The following IMPG2 variants were observed in gnomAD, a reference collection of about 807,000 sequenced individuals.
IMPG2 encodes the protein IPM 200.
Under a neutral mutation model 129.2 loss-of-function variants are expected in IMPG2, and 91 were observed. The observed-to-expected ratio is 0.70, with a 90% CI of 0.59 to 0.84. The LOEUF (loss-of-function observed/expected upper bound fraction) is 0.84, where lower values mean the gene tolerates loss of function less well. Among genes scored for constraint, IMPG2 ranks in the 40% least tolerant of loss-of-function variants. IMPG2 has a pLI of 0.00. For synonymous variants in IMPG2, 510 were observed against 517.7 expected (o/e 0.99, Z 0.20); for missense variants, 1,430 against 1,461.7 (o/e 0.98, Z 0.35).
chr3:101,292,274 C>G (rs1317006500), intron 3 of IMPG2, among the ~76,000 whole-genome samples: 2 of 152,164 alleles, frequency 1.3e-5, no homozygotes, highest in African/African-American at 4.8e-5. Flanking sequence ...CTCAGCCACT[C>G]TCATGGTTTC....
intron 7 of IMPG2, among the ~76,000 whole-genome samples, chr3:101,270,915 G>A (rs895135629): frequency 6.6e-6 from 1 of 152,150 alleles, no homozygotes; most frequent in Non-Finnish European, 1.5e-5. Flanking sequence ...GCCAACATCA[G>A]AACAAAGGAA....
intron 4 of IMPG2, among the ~76,000 whole-genome samples, chr3:101,281,301 G>T (rs1471080134): frequency 1.3e-5 from 2 of 152,166 alleles, no homozygotes; most frequent in East Asian, 3.9e-4. Context: ...TTAAAAATAG[G>T]TAACATGAGA....
At chr3:101,266,825 C>T (rs1024317047) in intron 9 of IMPG2, among the ~76,000 whole-genome samples, 3 of 152,114 alleles carry the variant, frequency 2.0e-5, no homozygotes, top group Non-Finnish European at 2.9e-5. Flanking sequence ...CCCCTCTTCC[C>T]AGCCTGAAGT....
At chr3:101,267,580 T>C (rs966217330) in intron 8 of IMPG2, 49 bp from the exon 9 acceptor site, 4 of 1,433,814 alleles carry the variant, frequency 2.8e-6, no homozygotes, top group Non-Finnish European at 3.9e-6. Context: ...ACAGTTATTA[T>C]TGTCACATCA....
chr3:101,286,147 G>A (rs941754188), intron 4 of IMPG2, among the ~76,000 whole-genome samples: 4 of 152,052 alleles, frequency 2.6e-5, no homozygotes, highest in East Asian at 3.9e-4. Flanking sequence ...TTGTTCAGAG[G>A]ATTAAGTAAA....
chr3:101,293,638 G>A (rs1041699755), intron 3 of IMPG2, among the ~76,000 whole-genome samples: 1 of 152,280 alleles, frequency 6.6e-6, no homozygotes, highest in Middle Eastern at 3.4e-3. Context: ...TTGAAGCCAG[G>A]TATTGACTTC....
At chr3:101,313,616 G>A (rs953663927) in intron 2 of IMPG2, among the ~76,000 whole-genome samples, 29 of 152,006 alleles carry the variant, frequency 1.9e-4, no homozygotes, top group Non-Finnish European at 8.8e-5. Flanking sequence ...CCTTCTACTA[G>A]ATCTCCAGCT....
chr3:101,241,089 TA>T (rs1410480090), intron 14 of IMPG2, among the ~76,000 whole-genome samples: 1 of 152,240 alleles, frequency 6.6e-6, no homozygotes, highest in African/African-American at 2.4e-5. Flanking sequence ...AAGTTCTGGC[TA>T]AAAAGTATTT....
At chr3:101,229,688 G>A (rs1706266141) in intron 16 of IMPG2, 98 bp from the exon 17 acceptor site, 3 of 1,051,002 alleles carry the variant, frequency 2.9e-6, no homozygotes, top group Non-Finnish European at 2.9e-6. Context: ...AGAAAAACAG[G>A]TGCACTTTAC....
chr3:101,283,342 A>T (rs1205021635), intron 4 of IMPG2, among the ~76,000 whole-genome samples: 1 of 151,990 alleles, frequency 6.6e-6, no homozygotes, highest in Non-Finnish European at 1.5e-5. Flanking sequence ...TCCTTTTTTT[A>T]AAAAATGTAT....
rs1226245270 is a variant in IMPG2 at position 101,246,095 on chromosome 3, A to G, written c.1250T>C (p.Phe417Ser). ...ATPSSILDNT[F>S]QAAWPSADES... The stretch of plus-strand genomic sequence containing the variant: ...ATCTGCTGAGGGCCATGCAGCTTGA[A>G]AGGTATTATCCTGGGGGGAAAAAAA... The change falls in exon 12 of 19, where the codon TTT (phenylalanine) becomes TCT (serine). Residue 417 changes from phenylalanine (F) to serine (S), a missense_variant. Physicochemically the swap from Phe to Ser is radical, Grantham distance 155. Coordinates refer to ENST00000193391, the MANE Select transcript of IMPG2 (RefSeq NM_016247.4). 8.1e-6 allele frequency: 13 copies of G among 1,613,906 alleles called. No individual in the cohort carries two copies. The South Asian group carries it at 1.4e-4, about 18-fold the overall frequency.
intron 2 of IMPG2, among the ~76,000 whole-genome samples, chr3:101,309,277 T>G (rs533638994): frequency 6.6e-6 from 1 of 152,294 alleles, no homozygotes; most frequent in East Asian, 1.9e-4. Context: ...AATGCCCTAC[T>G]CCTTGGTACC....
intron 3 of IMPG2, among the ~76,000 whole-genome samples, chr3:101,296,471 T>C (rs1707081168): frequency 6.6e-6 from 1 of 152,192 alleles, no homozygotes; most frequent in African/African-American, 2.4e-5. Context: ...TTTGCCAGTA[T>C]TTTATTGAGG....
chr3:101,237,400 G>A (rs184840285), intron 14 of IMPG2, among the ~76,000 whole-genome samples: 1 of 152,306 alleles, frequency 6.6e-6, no homozygotes, highest in Non-Finnish European at 1.5e-5. Flanking sequence ...GTGGGTCCCT[G>A]ACCCCTATGT....
In IMPG2 at chr3:101,243,571, G is replaced by C. The variant is rs372860793; in HGVS notation, c.2760C>G (p.Asn920Lys). 6.2e-7 allele frequency: 1 copy of C among 1,613,720 alleles called. No individual in the cohort carries two copies. Among genetic ancestry groups the C allele is most frequent in the Admixed American group, 1.7e-5 (1 of 59,940 alleles). The change falls in exon 13 of 19, where the codon AAC becomes AAG. Residue 920 changes from asparagine to lysine, a missense_variant. Physicochemically the swap from Asn to Lys is moderately conservative, Grantham distance 94 (BLOSUM62 0). Transcript: ENST00000193391. ...GCTCCAGGGCTTTATACTCCAAGGA[G>C]TTTTTATTAAACAGATCTTCTGAAA... ...MMFSEDLFNKNSLEYKALEQR... is the reference protein window; with the variant it reads ...MMFSEDLFNKKSLEYKALEQR...
chr3:101,287,564 A>T (rs1001379411), intron 4 of IMPG2, among the ~76,000 whole-genome samples: 3 of 152,168 alleles, frequency 2.0e-5, no homozygotes, highest in Non-Finnish European at 2.9e-5. Flanking sequence ...GGAACAGGAT[A>T]GAAAACTCAG....
At chr3:101,307,635 T>A (rs1322752511) in intron 2 of IMPG2, among the ~76,000 whole-genome samples, 1 of 152,102 alleles carries the variant, frequency 6.6e-6, no homozygotes, top group Admixed American at 6.6e-5. Context: ...AATCTAATCA[T>A]CTCCCACAGG....
chr3:101,255,907 G>T (rs988673194), intron 10 of IMPG2, among the ~76,000 whole-genome samples: 2 of 151,718 alleles, frequency 1.3e-5, no homozygotes, highest in African/African-American at 4.8e-5. Flanking sequence ...ACTGAAGAGA[G>T]CATTTCTCCA....
chr3:101,309,632 CA>C (rs894265480), intron 2 of IMPG2, among the ~76,000 whole-genome samples: 11 of 152,140 alleles, frequency 7.2e-5, no homozygotes, highest in African/African-American at 2.4e-4. Flanking sequence ...CCACACCCGA[CA>C]TATGGGGATT....
Sources: gnomAD v4.1 joint callset for allele counts (sites outside exome capture counted in the v4.1 genomes callset) on GRCh38, gnomAD v4.1.1 for gene constraint, MANE v1.5 for transcripts, NCBI Gene and HGNC (gene_info 2026-07-23, HGNC 2026-07-21) for gene names.